Variants in ALG10B observed in about 807,000 individuals in gnomAD.
ALG10B encodes dol-P-Glc:Glc(2)Man(9)GlcNAc(2)-PP-Dol alpha-1,2-glucosyltransferase B.
A neutral mutation model predicts 38.7 loss-of-function variants in ALG10B; 27 were observed. That is an observed-to-expected ratio of 0.70 (90% CI 0.51 to 0.96). ALG10B has a LOEUF of 0.96. Among genes scored for constraint, ALG10B ranks in the 40% least tolerant of loss-of-function variants. ALG10B has a pLI of 0.00. For synonymous variants in ALG10B, 177 were observed against 193.3 expected (o/e 0.92, Z 0.70); for missense variants, 522 against 542.7 (o/e 0.96, Z 0.38).
rs1289767441 is a variant in ALG10B at position 38,327,595 on chromosome 12, A to C, written c.*6382A>C. On this transcript the variant is annotated 3_prime_UTR_variant, in exon 3 of 3. Transcript: ENST00000308742. ...ATGAACATAGATTGGTATGACTCCC[A>C]AGCCTGTGAGTTTTTGACCGTCATA... is the stretch of plus-strand genomic sequence containing the variant. 6.6e-6 allele frequency: 1 copy of C among 152,012 alleles called. No homozygotes were observed. Among genetic ancestry groups the C allele is most frequent in the African/African-American group, 2.4e-5 (1 of 41,394 alleles). 9.4% of individuals were successfully genotyped at this position (152,012 alleles called of 1,614,324 possible). A position where few individuals can be genotyped will look rare whatever the true frequency, so the allele number is the denominator to read the frequency against.
Position 38,316,997 on chromosome 12 carries a change from A to G in ALG10B, c.104A>G (p.Tyr35Cys), listed in dbSNP as rs141825041. The change falls in exon 1 of 3, where the codon TAC (tyrosine) becomes TGC (cysteine). Residue 35 changes from tyrosine (Y) to cysteine (C), a missense_variant. Tyr to Cys is a radical substitution (Grantham distance 194, BLOSUM62 -2). Coordinates refer to ENST00000308742, the MANE Select transcript of ALG10B (RefSeq NM_001013620.4). The stretch of plus-strand genomic sequence containing the variant: ...TTCAGCCGGGCGCTGCGAGAGCCCT[A>G]CATGGACGAGATCTTCCACCTGCCT... ...SAFSRALREPYMDEIFHLPQA... is the reference protein window; with the variant it reads ...SAFSRALREPCMDEIFHLPQA... 243 of 1,614,076 alleles carry G rather than the reference A, an allele frequency of 1.5e-4. No homozygotes were observed. The highest frequency in any genetic ancestry group is 2.0e-4 in the Non-Finnish European group (237 of 1,180,004).
In ALG10B at chr12:38,323,351, A is replaced by G. The variant is rs2120505113; in HGVS notation, c.*2138A>G. ...ATTAGGGAACAACTGCTGGGGTAGG[A>G]TTATTTTGTGTTACTTTTTGAATTT... On this transcript the variant is annotated 3_prime_UTR_variant, in exon 3 of 3. Coordinates refer to ENST00000308742, the MANE Select transcript of ALG10B (RefSeq NM_001013620.4). 6.6e-6 allele frequency: 1 copy of G among 152,542 alleles called. No homozygotes were observed. The highest frequency in any genetic ancestry group is 2.4e-5 in the African/African-American group (1 of 41,554). The allele number at this position is 152,542 out of a possible 1,614,324, so 9.4% of individuals were successfully genotyped here. A position where few individuals can be genotyped will look rare whatever the true frequency, so the allele number is the denominator to read the frequency against.
chr12:38,317,915 T>C, intron 1 of ALG10B: 3 of 345,870 alleles, frequency 8.7e-6, no homozygotes, highest in East Asian at 1.4e-4. Context: ...TCCAAATGTT[T>C]TCCTAAACTT....
In ALG10B at chr12:38,326,603, G is replaced by A. The variant is rs1024273823; in HGVS notation, c.*5390G>A. ...AACCTTCAACGAATAACAGGTTAAA[G>A]AATTTAAAGGTAAAAGACATTTCAA... On this transcript the variant is annotated 3_prime_UTR_variant, in exon 3 of 3. Transcript: ENST00000308742. 2 of 148,568 alleles carry A rather than the reference G, an allele frequency of 1.3e-5. No homozygotes were observed. The highest frequency in any genetic ancestry group is 5.0e-5 in the African/African-American group (2 of 39,992). 9.2% of individuals were successfully genotyped at this position (148,568 alleles called of 1,614,324 possible).
intron 2 of ALG10B, among the ~76,000 whole-genome samples, chr12:38,318,884 C>A (rs1252502827): frequency 6.6e-6 from 1 of 152,170 alleles, no homozygotes. Flanking sequence ...TCTCTCCCTG[C>A]CACTTAACCA....
Position 38,325,093 on chromosome 12 carries a change from A to AT in ALG10B, c.*3884dup, listed in dbSNP as rs1156925971. ...TGAGTAAGATTCAGGTATGCTGTGA[A>AT]TTTTGTTAACGTTTATGTTTTCCAT... On this transcript the variant is annotated 3_prime_UTR_variant, in exon 3 of 3. Transcript: ENST00000308742. 5.9e-5 allele frequency: 9 copies of AT among 152,166 alleles called. 1 individual carries two copies. The highest frequency in any genetic ancestry group is 5.9e-4 in the Admixed American group (9 of 15,272). The allele number at this position is 152,166 out of a possible 1,614,324, so 9.4% of individuals were successfully genotyped here. A position where few individuals can be genotyped will look rare whatever the true frequency, so the allele number is the denominator to read the frequency against.
intron 1 of ALG10B, 55 bp from the exon 2 acceptor site, chr12:38,318,206 G>A: frequency 2.5e-6 from 4 of 1,602,616 alleles, no homozygotes; most frequent in Admixed American, 1.7e-5. Flanking sequence ...ACATATTTGT[G>A]TCTGTCTTGT....
Position 38,327,468 on chromosome 12 carries a change from A to T in ALG10B, c.*6255A>T. The stretch of plus-strand genomic sequence containing the variant: ...CAAATATTGTCTCATTTGATGCTAC[A>T]TTTATATTTCTATGAGGCAGATGTT... On this transcript the variant is annotated 3_prime_UTR_variant, in exon 3 of 3. Coordinates refer to ENST00000308742, the MANE Select transcript of ALG10B (RefSeq NM_001013620.4). 6.6e-6 allele frequency: 1 copy of T among 152,010 alleles called. No homozygotes were observed. The highest frequency in any genetic ancestry group is 1.9e-4 in the East Asian group (1 of 5,174). The allele number at this position is 152,010 out of a possible 1,614,324, so 9.4% of individuals were successfully genotyped here. A position where few individuals can be genotyped will look rare whatever the true frequency, so the allele number is the denominator to read the frequency against.
Position 38,317,069 on chromosome 12 carries a change from G to T in ALG10B, c.171+5G>T. ...GGCCATTTCTCCCTTTCCCAGGTGG[G>T]GTGCCCAACCTGTCCCCACCCCAGG... On this transcript the variant is annotated splice_donor_5th_base_variant and intron_variant, in intron 1 of 2. Transcript: ENST00000308742. 6.2e-7 allele frequency: 1 copy of T among 1,614,026 alleles called. No homozygotes were observed. The highest frequency in any genetic ancestry group is 8.5e-7 in the Non-Finnish European group (1 of 1,180,014).
In ALG10B at chr12:38,320,744, T is replaced by C; in HGVS notation, c.953T>C (p.Leu318Ser). The change falls in exon 3 of 3, where the codon TTA (leucine) becomes TCA (serine). Residue 318 changes from leucine (L) to serine (S), a missense_variant. Physicochemically the swap from Leu to Ser is moderately radical, Grantham distance 145. Transcript: ENST00000308742. The stretch of plus-strand genomic sequence containing the variant: ...AGCAAAATTAAGACTTTTCTTTCCT[T>C]AGTTTGGAAACATGGAATTCTGTTT... ...SPSKIKTFLSLVWKHGILFLV... is the reference protein window; with the variant it reads ...SPSKIKTFLSSVWKHGILFLV... The C allele has an allele frequency of 6.2e-7, 1 of 1,614,018 alleles. No individual in the cohort carries two copies.
rs917742455 is a variant in ALG10B at position 38,324,603 on chromosome 12, T to C, written c.*3390T>C. ...AGGCAGTTCAAAGATGGCCATTTGC[T>C]GGTGAATTTTCCAAAATAGATAACA... On this transcript the variant is annotated 3_prime_UTR_variant, in exon 3 of 3. Coordinates refer to ENST00000308742, the MANE Select transcript of ALG10B (RefSeq NM_001013620.4). 2.0e-5 allele frequency: 3 copies of C among 152,220 alleles called. No individual in the cohort carries two copies. The highest frequency in any genetic ancestry group is 6.5e-5 in the Admixed American group (1 of 15,286). 9.4% of individuals were successfully genotyped at this position (152,220 alleles called of 1,614,324 possible).
In ALG10B at chr12:38,328,694, CAAA is replaced by C. The variant is rs368762672; in HGVS notation, c.*7487_*7489del. On this transcript the variant is annotated 3_prime_UTR_variant, in exon 3 of 3. Transcript: ENST00000308742. ...CTAAGATAAATGTAAAAAAAACAAACAAAAAAAACCTCACTTTGTGTTTTGTAA... is the reference window on the plus strand; with the variant it reads ...CTAAGATAAATGTAAAAAAAACAAACAAAAACCTCACTTTGTGTTTTGTAA... 30 of 151,856 alleles carry C rather than the reference CAAA, an allele frequency of 2.0e-4. No homozygotes were observed. The highest frequency in any genetic ancestry group is 7.0e-4 in the African/African-American group (29 of 41,256). 9.4% of individuals were successfully genotyped at this position (151,856 alleles called of 1,614,324 possible).
At position 38,328,796 on chromosome 12, in the gene ALG10B, A is replaced by G. The variant is rs1201037534; in HGVS notation, c.*7583A>G. ...GCATATGGCATACTTCATTCATATG[A>G]CATAGTTAGAATCTTTTCCCACAAA... On this transcript the variant is annotated 3_prime_UTR_variant, in exon 3 of 3. Coordinates refer to ENST00000308742, the MANE Select transcript of ALG10B (RefSeq NM_001013620.4). 6.2e-6 allele frequency: 1 copy of G among 162,562 alleles called. No homozygotes were observed. The highest frequency in any genetic ancestry group is 1.3e-5 in the Non-Finnish European group (1 of 75,310). 10.1% of individuals were successfully genotyped at this position (162,562 alleles called of 1,614,324 possible).
In ALG10B at chr12:38,320,603, A is replaced by G. The variant is rs1302177208; in HGVS notation, c.812A>G (p.Asn271Ser). The change falls in exon 3 of 3, where the codon AAT becomes AGT. Residue 271 changes from asparagine to serine, a missense_variant. Transcript: ENST00000308742. ...GFLFCAFVVV[N>S]GGIVIGDRSS... ...CTGTTTTGTGCTTTTGTAGTAGTTA[A>G]TGGTGGAATTGTTATTGGCGATCGG... The G allele has an allele frequency of 6.2e-7, 1 of 1,614,044 alleles. No homozygotes were observed. The highest frequency in any genetic ancestry group is 1.3e-5 in the African/African-American group (1 of 75,016).
chr12:38,317,037 C>T lies in ALG10B; in HGVS notation c.144C>T (p.Tyr48=). 6.2e-7 allele frequency: 1 copy of T among 1,614,182 alleles called. No homozygotes were observed. Residue 48 remains tyrosine, a synonymous_variant, in exon 1 of 3, where the codon TAC becomes TAT. Transcript: ENST00000308742. Reference sequence around the variant, plus strand: ...TCCACCTGCCTCAGGCGCAGCGCTACTGTGAGGGCCATTTCTCCCTTTCCC... The same window carrying T: ...TCCACCTGCCTCAGGCGCAGCGCTATTGTGAGGGCCATTTCTCCCTTTCCC... ...EIFHLPQAQR[Y]CEGHFSLSQW...
At position 38,326,929 on chromosome 12, in the gene ALG10B, A is replaced by T. The variant is rs2120519225; in HGVS notation, c.*5716A>T. ...TATATTGTGCTTTTTTAAGAGATAAATTTTTGATGAATTTAATGTTAATTA... is the reference window on the plus strand; with the variant it reads ...TATATTGTGCTTTTTTAAGAGATAATTTTTTGATGAATTTAATGTTAATTA... On this transcript the variant is annotated 3_prime_UTR_variant, in exon 3 of 3. Coordinates refer to ENST00000308742, the MANE Select transcript of ALG10B (RefSeq NM_001013620.4). 1 of 151,406 alleles carries T rather than the reference A, an allele frequency of 6.6e-6. No individual in the cohort carries two copies. Among genetic ancestry groups the T allele is most frequent in the South Asian group, 2.1e-4 (1 of 4,804 alleles). 9.4% of individuals were successfully genotyped at this position (151,406 alleles called of 1,614,324 possible).
At position 38,321,312 on chromosome 12, in the gene ALG10B, G is replaced by A. The variant is rs1208723912; in HGVS notation, c.*99G>A. ...GGAAAACATGGAATTTCTTTTAGGTGCAGTGGTGGTCCTCAAATTACATTA... is the reference window on the plus strand; with the variant it reads ...GGAAAACATGGAATTTCTTTTAGGTACAGTGGTGGTCCTCAAATTACATTA... On this transcript the variant is annotated 3_prime_UTR_variant, in exon 3 of 3. Transcript: ENST00000308742. The A allele has an allele frequency of 8.0e-7, 1 of 1,242,694 alleles. No individual in the cohort carries two copies. The highest frequency in any genetic ancestry group is 2.4e-5 in the Admixed American group (1 of 41,560). 77.0% of individuals were successfully genotyped at this position (1,242,694 alleles called of 1,614,324 possible). A position where few individuals can be genotyped will look rare whatever the true frequency, so the allele number is the denominator to read the frequency against.
chr12:38,327,340 G>A lies in ALG10B; in HGVS notation c.*6127G>A, dbSNP rs1347543057. The stretch of plus-strand genomic sequence containing the variant: ...GTTGAACCATATATGTGTGTGTATG[G>A]CATATATAAGATGAAAAAAGGAGAA... On this transcript the variant is annotated 3_prime_UTR_variant, in exon 3 of 3. Coordinates refer to ENST00000308742, the MANE Select transcript of ALG10B (RefSeq NM_001013620.4). 6.6e-6 allele frequency: 1 copy of A among 151,842 alleles called. No homozygotes were observed. Among genetic ancestry groups the A allele is most frequent in the Non-Finnish European group, 1.5e-5 (1 of 67,990 alleles). The allele number at this position is 151,842 out of a possible 1,614,324, so 9.4% of individuals were successfully genotyped here. A position where few individuals can be genotyped will look rare whatever the true frequency, so the allele number is the denominator to read the frequency against.
Position 38,329,460 on chromosome 12 carries a change from G to A in ALG10B, c.*8247G>A, listed in dbSNP as rs1555156853. Reference sequence around the variant, plus strand: ...TTGGAAGCAAATTGTTGGTTTAACAGGACATACTTTAGATATTTGAAAAAT... The same window carrying A: ...TTGGAAGCAAATTGTTGGTTTAACAAGACATACTTTAGATATTTGAAAAAT... On this transcript the variant is annotated 3_prime_UTR_variant, in exon 3 of 3. Coordinates refer to ENST00000308742, the MANE Select transcript of ALG10B (RefSeq NM_001013620.4). 5 of 355,470 alleles carry A rather than the reference G, an allele frequency of 1.4e-5. No homozygotes were observed. The South Asian group carries it at 8.1e-4, about 58-fold the overall frequency. 22.0% of individuals were successfully genotyped at this position (355,470 alleles called of 1,614,324 possible). A position where few individuals can be genotyped will look rare whatever the true frequency, so the allele number is the denominator to read the frequency against.
Sources: gnomAD v4.1 joint callset for allele counts (sites outside exome capture counted in the v4.1 genomes callset) on GRCh38, gnomAD v4.1.1 for gene constraint, MANE v1.5 for transcripts, NCBI Gene and HGNC (gene_info 2026-07-23, HGNC 2026-07-21) for gene names.